EFCAB13: variants seen among roughly 807,000 people sequenced by gnomAD.
EFCAB13 encodes EF-hand calcium binding domain 13, also known as EF-hand calcium-binding domain-containing protein 13.
EFCAB13 carries 91 observed loss-of-function variants against 110.2 expected under a neutral mutation model. The ratio of observed to expected loss-of-function variants is 0.83; its 90% confidence interval spans 0.70 to 0.98. The LOEUF is 0.98. Among genes scored for constraint, EFCAB13 ranks in the 50% least tolerant of loss-of-function variants. The pLI is 0.00. For synonymous variants in EFCAB13, 323 were observed against 369.9 expected (o/e 0.87, Z 1.45); for missense variants, 968 against 1,119.4 (o/e 0.86, Z 1.93).
intron 24 of EFCAB13, among the ~76,000 whole-genome samples, chr17:47,439,459 G>A (rs1415601167): frequency 5.3e-5 from 8 of 152,042 alleles, no homozygotes; most frequent in African/African-American, 1.7e-4. Flanking sequence ...TTACAGGCAT[G>A]AGCCACCATG....
rs552657076 is a variant in EFCAB13 at position 47,420,672 on chromosome 17, G to A, written c.2494+5753G>A. ...TGGGAGGTGAGGAGCGTCTCTGCCC[G>A]GCCGCCCCGTCTGAGAAGTGAGGAG... On this transcript the variant is annotated intron_variant, in intron 23 of 24. Coordinates refer to ENST00000331493, the MANE Select transcript of EFCAB13 (RefSeq NM_152347.5). 6.3e-4 allele frequency among the ~76,000 whole-genome samples: 90 copies of A among 143,016 alleles called. 1 individual carries two copies. The highest frequency in any genetic ancestry group is 1.9e-3 in the African/African-American group (72 of 37,546). 93.8% of individuals were successfully genotyped at this position (143,016 alleles called of 152,430 possible).
At chr17:47,396,643 T>A (rs2065739899) in intron 17 of EFCAB13, among the ~76,000 whole-genome samples, 1 of 152,204 alleles carries the variant, frequency 6.6e-6, no homozygotes, top group South Asian at 2.1e-4. Flanking sequence ...GGAATGTTTA[T>A]ACAGAACTAG....
At chr17:47,368,121 A>G (rs182595930) in intron 10 of EFCAB13, among the ~76,000 whole-genome samples, 164 of 152,348 alleles carry the variant, frequency 1.1e-3, no homozygotes, top group Admixed American at 3.7e-3. Flanking sequence ...GTTCTTCACC[A>G]AGCACAAGTA....
At chr17:47,383,688 G>A (rs1163911259) in intron 14 of EFCAB13, among the ~76,000 whole-genome samples, 2 of 152,106 alleles carry the variant, frequency 1.3e-5, no homozygotes, top group Admixed American at 1.3e-4. Context: ...GGAGTATTTT[G>A]CTTCCAATTA....
At chr17:47,335,047 A>T in intron 4 of EFCAB13, 149 bp from the exon 5 acceptor site, 1 of 736,328 alleles carries the variant, frequency 1.4e-6, no homozygotes, top group Non-Finnish European at 2.1e-6. Context: ...ATAATACATT[A>T]GTGAGTAAAA....
At chr17:47,386,258 C>A (rs896732614) in intron 14 of EFCAB13, among the ~76,000 whole-genome samples, 7 of 152,198 alleles carry the variant, frequency 4.6e-5, no homozygotes, top group Non-Finnish European at 8.8e-5. Flanking sequence ...CGCCCCTTCC[C>A]CCAGATACGC....
chr17:47,376,626 A>C (rs1418370029), intron 12 of EFCAB13, among the ~76,000 whole-genome samples: 2 of 152,236 alleles, frequency 1.3e-5, no homozygotes, highest in African/African-American at 2.4e-5. Flanking sequence ...TCACAAAAAT[A>C]GTACAAACAT....
At chr17:47,412,730 TG>T (rs1322556730) in intron 21 of EFCAB13, 42 bp from the exon 22 acceptor site, 5 of 1,518,712 alleles carry the variant, frequency 3.3e-6, no homozygotes, top group African/African-American at 2.8e-5. Context: ...TTATTTTGAA[TG>T]TTTTTTACAC....
At chr17:47,409,136 A>G (rs1261398008) in intron 20 of EFCAB13, among the ~76,000 whole-genome samples, 3 of 151,894 alleles carry the variant, frequency 2.0e-5, no homozygotes, top group Non-Finnish European at 2.9e-5. Context: ...TTTTATTTCT[A>G]TCGTTTGTTC....
intron 17 of EFCAB13, among the ~76,000 whole-genome samples, chr17:47,398,562 G>C (rs2065761125): frequency 6.6e-6 from 1 of 151,756 alleles, no homozygotes; most frequent in Admixed American, 6.6e-5. Context: ...CCCCAACCCT[G>C]TGCTCTCTGA....
chr17:47,394,740 C>G (rs1185231124), intron 16 of EFCAB13, among the ~76,000 whole-genome samples: 1 of 152,014 alleles, frequency 6.6e-6, no homozygotes, highest in Non-Finnish European at 1.5e-5. Context: ...CTCTTTTTAC[C>G]TTACAATATA....
chr17:47,331,025 A>C (rs1444888213), intron 4 of EFCAB13, among the ~76,000 whole-genome samples: 2 of 152,032 alleles, frequency 1.3e-5, no homozygotes, highest in African/African-American at 4.8e-5. Flanking sequence ...GTGATTGGTG[A>C]TGTTGAGCAT....
intron 14 of EFCAB13, among the ~76,000 whole-genome samples, chr17:47,388,915 ATTTT>A (rs111951092): frequency 0.023 from 3,445 of 148,484 alleles, 109 homozygotes; most frequent in East Asian, 0.18. Flanking sequence ...TCAACACTTG[ATTTT>A]TTTTTTTATT....
rs1356869709 is a variant in EFCAB13 at position 47,361,472 on chromosome 17, T to C, written c.756T>C (p.Pro252=). ...VFAVLDSMGI[P]INREILEEVT... ...CTGTTTTGGATAGCATGGGTATCCC[T>C]ATAAACCGTGAAATTTTAGAAGAAG... The change falls in exon 10 of 25, where the codon CCT becomes CCC. Residue 252 remains proline (P), a synonymous_variant. Coordinates refer to ENST00000331493, the MANE Select transcript of EFCAB13 (RefSeq NM_152347.5). 6.2e-7 allele frequency: 1 copy of C among 1,613,134 alleles called. No individual in the cohort carries two copies. The highest frequency in any genetic ancestry group is 8.5e-7 in the Non-Finnish European group (1 of 1,179,134).
chr17:47,340,690 C>T (rs1479615671), intron 5 of EFCAB13, among the ~76,000 whole-genome samples: 1 of 151,432 alleles, frequency 6.6e-6, no homozygotes, highest in Non-Finnish European at 1.5e-5. Context: ...ACCTCTGCCT[C>T]CCAGGTTCAA....
rs1277743561 is a variant in EFCAB13, at chr17:47,351,308, C to CGT, written c.661+3358_661+3359insTG. 7.9e-4 allele frequency among the ~76,000 whole-genome samples: 106 copies of CGT among 133,800 alleles called. 2 individuals are homozygous for CGT. The East Asian group carries it at 0.016, about 21-fold the overall frequency. The allele number at this position is 133,800 out of a possible 152,430, so 87.8% of individuals were successfully genotyped here. A position where few individuals can be genotyped will look rare whatever the true frequency, so the allele number is the denominator to read the frequency against. ...GTGTGTGTGTGTGTGTGTGTGTGCG[C>CGT]GCGCGCGCGCGCGCGCGCGCCACGT... On this transcript the variant is annotated intron_variant, in intron 9 of 24. Transcript: ENST00000331493.
intron 9 of EFCAB13, among the ~76,000 whole-genome samples, chr17:47,353,532 G>A: frequency 6.6e-6 from 1 of 152,076 alleles, no homozygotes. Flanking sequence ...CTGACCTCAA[G>A]TGATCCGCCT....
At position 47,431,353 on chromosome 17, in the gene EFCAB13, C is replaced by T. The variant is rs1291454680; in HGVS notation, c.2638+1392C>T. ...CCCTAGGGTGAATATATCCCAATTT[C>T]TAGTGATGAATATTTAGCTCAATAA... On this transcript the variant is annotated intron_variant, in intron 24 of 24. Transcript: ENST00000331493. This position sits in a 1 kb window ranked among gnomAD's most constrained non-coding sequence, Gnocchi z 4.1. Among the ~76,000 whole-genome samples, 1 of 150,812 alleles carries T rather than the reference C, an allele frequency of 6.6e-6. No homozygotes were observed. The highest frequency in any genetic ancestry group is 1.9e-4 in the East Asian group (1 of 5,150).
chr17:47,440,392 T>C (rs1450592605), intron 24 of EFCAB13, 39 bp from the exon 25 acceptor site: 18 of 1,507,746 alleles, frequency 1.2e-5, no homozygotes, highest in Non-Finnish European at 1.6e-5. Context: ...TCTGAAACAA[T>C]AATTCTTTCT....
Sources: gnomAD v4.1 joint callset for allele counts (sites outside exome capture counted in the v4.1 genomes callset) on GRCh38, gnomAD v4.1.1 for gene constraint, Gnocchi (gnomAD v3.1) non-coding constraint, MANE v1.5 for transcripts, NCBI Gene and HGNC (gene_info 2026-07-23, HGNC 2026-07-21) for gene names.